CHM: variants seen among roughly 807,000 people sequenced by gnomAD.
CHM encodes the protein rab proteins geranylgeranyltransferase component A 1.
In CHM, 10 loss-of-function variants were observed where a neutral mutation model predicts 49.0. That is an observed-to-expected ratio of 0.20 (90% CI 0.13 to 0.35). The LOEUF (loss-of-function observed/expected upper bound fraction) is 0.35. Ranked by LOEUF, CHM falls within the 10% of genes least tolerant of loss-of-function variation. The pLI is 1.00. For synonymous variants in CHM, 184 were observed against 167.5 expected (o/e 1.10, Z -0.76); for missense variants, 455 against 478.4 (o/e 0.95, Z 0.46).
chrX:85,919,379 T>C (rs976925745), intron 8 of CHM, among the ~76,000 whole-genome samples: 5 of 111,861 alleles, frequency 4.5e-5, no homozygotes, highest in African/African-American at 1.6e-4. Context: ...TAGTATAATG[T>C]TTATGAAATA....
rs776324077 is a variant in CHM at position 86,047,552 on chromosome X, T to C, written c.-20A>G. The stretch of plus-strand genomic sequence containing the variant: ...CGCCATCTTGACGGGAAACGTGTCA[T>C]GTGACTATTACTTGTGGAAATGAGA... On this transcript the variant is annotated 5_prime_UTR_variant, in exon 1 of 15. An upstream start codon of the reference 5' UTR is lost. Transcript: ENST00000357749. 8.4e-7 allele frequency: 1 copy of C among 1,188,630 alleles called. No homozygotes were observed. Among genetic ancestry groups the C allele is most frequent in the Middle Eastern group, 2.3e-4 (1 of 4,292 alleles).
At chrX:85,963,209 A>G (rs1017018598) in intron 5 of CHM, among the ~76,000 whole-genome samples, 5 of 111,481 alleles carry the variant, frequency 4.5e-5, no homozygotes, top group South Asian at 3.7e-4. Context: ...CTGGTGTGTG[A>G]TGTTCCCCTC....
At chrX:85,905,841 TCACC>T (rs1333327427) in intron 9 of CHM, among the ~76,000 whole-genome samples, 1 of 111,316 alleles carries the variant, frequency 9.0e-6, no homozygotes, top group Non-Finnish European at 1.9e-5. Context: ...TTACAGAGTC[TCACC>T]CGTCATATGT....
At chrX:85,869,721 T>C (rs913056803) in intron 14 of CHM, among the ~76,000 whole-genome samples, 3 of 112,146 alleles carry the variant, frequency 2.7e-5, no homozygotes, top group African/African-American at 9.7e-5. Flanking sequence ...GTCTGCTGCA[T>C]TTTGTTTGCC....
chrX:85,863,942 G>C lies in CHM; in HGVS notation c.*688C>G, dbSNP rs1923529882. On this transcript the variant is annotated 3_prime_UTR_variant, in exon 15 of 15. Transcript: ENST00000357749. ...AGACAGAATATTCAAATACCAATGAGCCTATCCACACCTTTCCTTCCATTC... is the reference window on the plus strand; with the variant it reads ...AGACAGAATATTCAAATACCAATGACCCTATCCACACCTTTCCTTCCATTC... 8.9e-6 allele frequency: 1 copy of C among 112,097 alleles called. No individual in the cohort carries two copies. Among genetic ancestry groups the C allele is most frequent in the Non-Finnish European group, 1.9e-5 (1 of 53,400 alleles). 9.2% of individuals were successfully genotyped at this position (112,097 alleles called of 1,213,427 possible).
intron 8 of CHM, among the ~76,000 whole-genome samples, chrX:85,948,035 T>C (rs1300157292): frequency 9.0e-6 from 1 of 111,422 alleles, no homozygotes. Flanking sequence ...TGCCCTCCTT[T>C]AACAAAATTA....
chrX:86,036,308 G>A (rs950639311), intron 1 of CHM, among the ~76,000 whole-genome samples: 6 of 111,732 alleles, frequency 5.4e-5, no homozygotes, highest in South Asian at 3.8e-4. Context: ...AAGCTGGTGG[G>A]GGGGGAAGTG....
At chrX:85,897,248 TAGAA>T (rs1285712168) in intron 11 of CHM, among the ~76,000 whole-genome samples, 1 of 99,352 alleles carries the variant, frequency 1.0e-5, no homozygotes, top group Non-Finnish European at 2.0e-5. Flanking sequence ...ATATATGAAA[TAGAA>T]AGTAGTATAT....
chrX:85,981,047 C>G (rs1038584455), intron 3 of CHM, among the ~76,000 whole-genome samples: 1 of 106,969 alleles, frequency 9.3e-6, no homozygotes, highest in Non-Finnish European at 1.9e-5. Context: ...TATACTGACT[C>G]TAAGAGCAAC....
intron 1 of CHM, among the ~76,000 whole-genome samples, chrX:86,031,619 T>A (rs1046223705): frequency 2.0e-4 from 23 of 112,699 alleles, no homozygotes; most frequent in Admixed American, 6.6e-4. Context: ...GGTGGGCAGA[T>A]CACCTGAGGT....
intron 2 of CHM, among the ~76,000 whole-genome samples, chrX:86,024,972 T>C (rs1933745149): frequency 9.0e-6 from 1 of 111,068 alleles, no homozygotes; most frequent in Non-Finnish European, 1.9e-5. Flanking sequence ...GTGGAACATC[T>C]AGATGAAGAT....
intron 14 of CHM, among the ~76,000 whole-genome samples, chrX:85,871,263 C>T (rs779321571): frequency 3.1e-4 from 29 of 93,138 alleles, no homozygotes; most frequent in Admixed American, 1.8e-3. Context: ...GCCAAGATTG[C>T]GCCACTGCAC....
At position 86,022,734 on chromosome X, in the gene CHM, C is replaced by T. The variant is rs140447510; in HGVS notation, c.116+4757G>A. On this transcript the variant is annotated intron_variant, in intron 2 of 14. Transcript: ENST00000357749. The stretch of plus-strand genomic sequence containing the variant: ...TCCACTCAGGCTCCTTATACACATA[C>T]CCACATACACATACACATCCCTAGG... Among the ~76,000 whole-genome samples, 73 of 111,219 alleles carry T rather than the reference C, an allele frequency of 6.6e-4. No individual in the cohort carries two copies. The East Asian group carries it at 0.019, about 28-fold the overall frequency.
At position 85,978,870 on chromosome X, in the gene CHM, C is replaced by A; in HGVS notation, c.211G>T (p.Asp71Tyr). Residue 71 changes from aspartate (D) to tyrosine (Y), a missense_variant, in exon 4 of 15, where the codon GAC becomes TAC. Asp to Tyr is a radical substitution (Grantham distance 160, BLOSUM62 -3). Coordinates refer to ENST00000357749, the MANE Select transcript of CHM (RefSeq NM_000390.4). ...EYQENSDIVS[D>Y]SPVWQDQILE... ...ATCTGGTCTTGCCACACTGGACTGTCACTTACAATGTCACTGTTTTCCTAA... is the reference window on the plus strand; with the variant it reads ...ATCTGGTCTTGCCACACTGGACTGTAACTTACAATGTCACTGTTTTCCTAA... 2 of 1,206,821 alleles carry A rather than the reference C, an allele frequency of 1.7e-6. No homozygotes were observed. The highest frequency in any genetic ancestry group is 3.5e-5 in the South Asian group (2 of 56,807).
chrX:86,036,323 C>G (rs1934244528), intron 1 of CHM, among the ~76,000 whole-genome samples: 1 of 111,403 alleles, frequency 9.0e-6, no homozygotes, highest in Admixed American at 9.5e-5. Context: ...GAAGTGCTTC[C>G]AGGCTATAGG....
chrX:85,926,711 G>T (rs1203793396), intron 8 of CHM, among the ~76,000 whole-genome samples: 1 of 111,993 alleles, frequency 8.9e-6, no homozygotes, highest in East Asian at 2.8e-4. Flanking sequence ...CCGATAGAGG[G>T]TTAGGGGGCT....
chrX:85,893,895 G>T (rs2148143765), intron 12 of CHM, among the ~76,000 whole-genome samples: 1 of 111,737 alleles, frequency 8.9e-6, no homozygotes, highest in Admixed American at 9.5e-5. Context: ...TAAAAAAAAT[G>T]TTATGCAACC....
At chrX:85,870,590 G>T (rs779449796) in intron 14 of CHM, among the ~76,000 whole-genome samples, 3 of 111,914 alleles carry the variant, frequency 2.7e-5, no homozygotes, top group Admixed American at 9.5e-5. Flanking sequence ...CCAAGAGGGT[G>T]GGGCTCCTGA....
chrX:85,865,857 G>C (rs1923656427), intron 14 of CHM, among the ~76,000 whole-genome samples: 1 of 111,973 alleles, frequency 8.9e-6, no homozygotes. Context: ...AGATGATTTA[G>C]GGTATGTGGC....
Sources: allele counts gnomAD v4.1 joint callset (sites outside exome capture counted in the v4.1 genomes callset), GRCh38; gene constraint gnomAD v4.1.1; transcripts MANE v1.5; gene names NCBI Gene and HGNC (gene_info 2026-07-23, HGNC 2026-07-21).